LAMB4: variants seen among roughly 807,000 people sequenced by gnomAD.
LAMB4 encodes the protein laminin subunit beta 4, also known as laminin subunit beta-4.
In LAMB4, 196 loss-of-function variants were observed where a neutral mutation model predicts 199.2. That is an observed-to-expected ratio of 0.98 (90% CI 0.88 to 1.11). LAMB4 has a LOEUF of 1.11. Ranked by LOEUF, LAMB4 falls within the 50% of genes least tolerant of loss-of-function variation. The pLI, the probability that LAMB4 is intolerant of heterozygous loss-of-function variation, is 0.00. For synonymous variants in LAMB4, 744 were observed against 770.6 expected (o/e 0.97, Z 0.57); for missense variants, 2,080 against 2,171.2 (o/e 0.96, Z 0.83).
intron 27 of LAMB4, among the ~76,000 whole-genome samples, chr7:108,048,897 G>A (rs2035737725): frequency 6.6e-6 from 1 of 151,968 alleles, no homozygotes; most frequent in South Asian, 2.1e-4. Context: ...CACCATGTTG[G>A]CCAGGCTGGT....
intron 14 of LAMB4, among the ~76,000 whole-genome samples, chr7:108,086,693 T>C (rs2037191727): frequency 6.6e-6 from 1 of 152,134 alleles, no homozygotes; most frequent in Non-Finnish European, 1.5e-5. Context: ...GTTTTCCCAA[T>C]GAATAACACA....
intron 3 of LAMB4, among the ~76,000 whole-genome samples, chr7:108,113,104 C>T (rs2038288128): frequency 3.3e-5 from 5 of 152,202 alleles, no homozygotes; most frequent in Admixed American, 3.3e-4. Context: ...GCCTTCATTT[C>T]AAAGAGCCTT....
Position 108,104,543 on chromosome 7 carries a change from G to A in LAMB4, c.947C>T (p.Ala316Val). The A allele has an allele frequency of 6.2e-7, 1 of 1,614,220 alleles. No homozygotes were observed. Among genetic ancestry groups the A allele is most frequent in the Middle Eastern group, 1.6e-4 (1 of 6,062 alleles). ...GAGGTCTGCAGCTGGCCTCCAAGGA[G>A]CATCCTGGAAGAAGTCCTTGCATCT... Reference protein sequence around the residue: ...CERCKDFFQDAPWRPAADLQD... With the variant: ...CERCKDFFQDVPWRPAADLQD... Residue 316 changes from alanine to valine, a missense_variant, in exon 9 of 34, where the codon GCT (alanine) becomes GTT (valine). Physicochemically the swap from Ala to Val is moderately conservative, Grantham distance 64. Transcript: ENST00000388781.
At chr7:108,073,954 G>A (rs939021931) in intron 17 of LAMB4, among the ~76,000 whole-genome samples, 1 of 152,024 alleles carries the variant, frequency 6.6e-6, no homozygotes, top group Non-Finnish European at 1.5e-5. Context: ...AGTGGGGCGG[G>A]TGGTGGTGGT....
At chr7:108,082,614 C>T (rs1207405637) in intron 14 of LAMB4, among the ~76,000 whole-genome samples, 7 of 152,162 alleles carry the variant, frequency 4.6e-5, no homozygotes, top group Non-Finnish European at 1.0e-4. Flanking sequence ...ACAGAACCAC[C>T]TATTGATAAT....
chr7:108,065,846 A>G lies in LAMB4; in HGVS notation c.2752T>C (p.Ser918Pro). 1 of 1,614,120 alleles carries G rather than the reference A, an allele frequency of 6.2e-7. No homozygotes were observed. Among genetic ancestry groups the G allele is most frequent in the South Asian group, 1.1e-5 (1 of 91,078 alleles). ...GAATGGGCAAAATACTGATTGCTTGAGGGATCATCTGGACACAGGCAAGGA... is the reference window on the plus strand; with the variant it reads ...GAATGGGCAAAATACTGATTGCTTGGGGGATCATCTGGACACAGGCAAGGA... The part of the protein sequence containing the change: ...CRPCLCPDDP[S>P]SNQYFAHSCY... Residue 918 changes from serine (S) to proline (P), a missense_variant, in exon 21 of 34, where the codon TCA (serine) becomes CCA (proline). By Grantham distance (74) the Ser-to-Pro change is moderately conservative. Coordinates refer to ENST00000388781, the MANE Select transcript of LAMB4 (RefSeq NM_007356.3).
At chr7:108,075,762 C>G (rs2036676421) in intron 17 of LAMB4, 1 of 152,206 alleles carries the variant, frequency 6.6e-6, no homozygotes, top group Admixed American at 6.6e-5. Flanking sequence ...GAGTTTGAGA[C>G]CAGCCTGGCC....
intron 17 of LAMB4, among the ~76,000 whole-genome samples, chr7:108,076,334 T>TG (rs2036702537): frequency 6.6e-6 from 1 of 152,024 alleles, no homozygotes; most frequent in Non-Finnish European, 1.5e-5. Flanking sequence ...CCCCACTCTG[T>TG]GGGGGAAAGA....
At chr7:108,057,005 AT>A (rs561061672) in intron 24 of LAMB4, among the ~76,000 whole-genome samples, 552 of 150,286 alleles carry the variant, frequency 3.7e-3, no homozygotes, top group Admixed American at 8.7e-3. Flanking sequence ...TTGTCAGTTT[AT>A]GTAAAAATAA....
Position 108,105,877 on chromosome 7 carries a change from A to C in LAMB4, c.810T>G (p.His270Gln). The change falls in exon 8 of 34, where the codon CAT (histidine) becomes CAG (glutamine). Residue 270 changes from histidine to glutamine, a missense_variant. By Grantham distance (24) the His-to-Gln change is conservative (BLOSUM62 0). Coordinates refer to ENST00000388781, the MANE Select transcript of LAMB4 (RefSeq NM_007356.3). ...TCTGCATAGGGCGACATTCGCTAGC[A>C]TGGCCATTGCAAAAGCAGCTTCCCC... is the stretch of plus-strand genomic sequence containing the variant. ...IVRGSCFCNG[H>Q]ASECRPMQKM... 6.2e-7 allele frequency: 1 copy of C among 1,614,266 alleles called. No individual in the cohort carries two copies. The highest frequency in any genetic ancestry group is 2.2e-5 in the East Asian group (1 of 44,884).
chr7:108,063,313 C>T (rs1258490429), intron 22 of LAMB4, among the ~76,000 whole-genome samples: 2 of 152,114 alleles, frequency 1.3e-5, no homozygotes, highest in African/African-American at 2.4e-5. Context: ...CAATGGTTTA[C>T]GTACACATTA....
At chr7:108,067,710 G>C (rs1187118890) in intron 19 of LAMB4, among the ~76,000 whole-genome samples, 1 of 152,160 alleles carries the variant, frequency 6.6e-6, no homozygotes, top group Admixed American at 6.5e-5. Context: ...CCTTCATGGT[G>C]TTCCACGTTT....
intron 30 of LAMB4, among the ~76,000 whole-genome samples, chr7:108,035,442 T>C (rs1378641784): frequency 6.6e-6 from 1 of 151,372 alleles, no homozygotes; most frequent in African/African-American, 2.4e-5. Context: ...CTTGGGAGGC[T>C]GAGGCATGAG....
At chr7:108,059,231 G>A (rs201085388) in intron 23 of LAMB4, among the ~76,000 whole-genome samples, 13 of 147,960 alleles carry the variant, frequency 8.8e-5, no homozygotes, top group Admixed American at 2.1e-4. Flanking sequence ...TCAGCCTCCC[G>A]AGTAGCTGGG....
chr7:108,106,617 C>T lies in LAMB4; in HGVS notation c.592-45G>A, dbSNP rs757665497. 41 of 1,083,920 alleles carry T rather than the reference C, an allele frequency of 3.8e-5. 1 individual carries two copies. The highest frequency in any genetic ancestry group is 7.5e-5 in the East Asian group (3 of 39,880). 67.1% of individuals were successfully genotyped at this position (1,083,920 alleles called of 1,614,324 possible). Reference sequence around the variant, plus strand: ...ACATTTATAGTATATTACCTGAAAACGTAATTGTCAAACACACTCTTTTTT... The same window carrying T: ...ACATTTATAGTATATTACCTGAAAATGTAATTGTCAAACACACTCTTTTTT... On this transcript the variant is annotated intron_variant, in intron 6 of 33. Coordinates refer to ENST00000388781, the MANE Select transcript of LAMB4 (RefSeq NM_007356.3).
Position 108,065,814 on chromosome 7 carries a change from A to G in LAMB4, c.2784T>C (p.Tyr928=), listed in dbSNP as rs144099856. The G allele has an allele frequency of 1.1e-3, 1,778 of 1,614,154 alleles. 4 individuals carry two copies. The Middle Eastern group carries it at 0.013, about 12-fold the overall frequency. ...SSNQYFAHSC[Y]QNLWSSDVIC... Reference sequence around the variant, plus strand: ...TTACATCTGAGCTCCACAGATTCTGATAACAGGAATGGGCAAAATACTGAT... The same window carrying G: ...TTACATCTGAGCTCCACAGATTCTGGTAACAGGAATGGGCAAAATACTGAT... The change falls in exon 21 of 34, where the codon TAT becomes TAC. Residue 928 remains tyrosine, a synonymous_variant. Transcript: ENST00000388781.
chr7:108,021,912 T>C (rs193031317), downstream of LAMB4, among the ~76,000 whole-genome samples: 2 of 152,300 alleles, frequency 1.3e-5, no homozygotes, highest in East Asian at 3.9e-4. Flanking sequence ...GGAATAGATA[T>C]TCTCTCTATT....
Position 108,028,960 on chromosome 7 carries a change from T to G in LAMB4, c.5146+83A>C, listed in dbSNP as rs561389509. ...GGACCCAAGTGATAAAACTGTAAGC[T>G]GACATTGGTATAAATTCTACTAGTA... On this transcript the variant is annotated intron_variant, in intron 33 of 33. Coordinates refer to ENST00000388781, the MANE Select transcript of LAMB4 (RefSeq NM_007356.3). 1.2e-4 allele frequency: 154 copies of G among 1,319,392 alleles called. No individual in the cohort carries two copies. The Admixed American group carries it at 1.3e-3, about 11-fold the overall frequency. 81.7% of individuals were successfully genotyped at this position (1,319,392 alleles called of 1,614,324 possible). A position where few individuals can be genotyped will look rare whatever the true frequency, so the allele number is the denominator to read the frequency against.
chr7:108,024,499 G>C lies in LAMB4; in HGVS notation c.5147-321C>G, dbSNP rs73726680. Among the ~76,000 whole-genome samples, 1,152 of 152,258 alleles carry C rather than the reference G, an allele frequency of 7.6e-3. 10 individuals are homozygous for C. The highest frequency in any genetic ancestry group is 0.026 in the African/African-American group (1,085 of 41,544). On this transcript the variant is annotated intron_variant, in intron 33 of 33. Transcript: ENST00000388781. ...TTTGCTGAAGTGCTATATTTCCAAA[G>C]GTTTGTTCTTATTATTTTAGCTTCA...
Sources: allele counts gnomAD v4.1 joint callset (sites outside exome capture counted in the v4.1 genomes callset), GRCh38; gene constraint gnomAD v4.1.1; transcripts MANE v1.5; gene names NCBI Gene and HGNC (gene_info 2026-07-23, HGNC 2026-07-21).